The following PFKM variants were observed in gnomAD, a reference collection of about 807,000 sequenced individuals.
PFKM encodes ATP-dependent 6-phosphofructokinase, muscle type.
A neutral mutation model predicts 95.5 loss-of-function variants in PFKM; 58 were observed. The ratio of observed to expected loss-of-function variants is 0.61; its 90% CI spans 0.49 to 0.76. PFKM has a LOEUF of 0.76. PFKM is among the 30% of genes least tolerant of loss of function. PFKM has a pLI of 0.00. For synonymous variants in PFKM, 336 were observed against 357.2 expected (o/e 0.94, Z 0.67); for missense variants, 678 against 1,005.4 (o/e 0.67, Z 4.40).
At position 48,141,985 on chromosome 12, in the gene PFKM, C is replaced by T. The variant is rs1950614094; in HGVS notation, c.1572C>T (p.Val524=). The T allele has an allele frequency of 6.2e-7, 1 of 1,614,066 alleles. No individual in the cohort carries two copies. The highest frequency in any genetic ancestry group is 1.3e-5 in the African/African-American group (1 of 75,024). The change falls in exon 17 of 23, where the codon GTC becomes GTT. Residue 524 remains valine, a synonymous_variant. Transcript: ENST00000359794. ...ATGAGCTCTGCATCCCATTTGTGGT[C>T]ATTCCTGCTACAGTCTCCAACAATG... is the stretch of plus-strand genomic sequence containing the variant. ...QFDELCIPFV[V]IPATVSNNVP...
chr12:48,141,022 A>G, intron 14 of PFKM, 151 bp downstream of exon 14: 2 of 755,674 alleles, frequency 2.6e-6, no homozygotes, highest in African/African-American at 4.8e-5. Flanking sequence ...ATACTAGGGC[A>G]GTAGGAACAG....
chr12:48,122,587 A>C (rs1948398030), intron 1 of PFKM, 180 bp from the exon 2 acceptor site: 1 of 1,436,572 alleles, frequency 7.0e-7, no homozygotes, highest in African/African-American at 1.4e-5. Flanking sequence ...TCAGCTTGTC[A>C]GTCTACAAGG....
chr12:48,133,166 AC>A, intron 5 of PFKM, 109 bp downstream of exon 5: 2 of 1,311,300 alleles, frequency 1.5e-6, no homozygotes, highest in Non-Finnish European at 2.2e-6. Context: ...GAAAAATGTT[AC>A]CCAGACACAA....
rs139151556 is a variant in PFKM, at chr12:48,119,381, C to T, written c.-34C>T. The stretch of plus-strand genomic sequence containing the variant: ...CCAAGGACAATCTGCAAGAAAGCAG[C>T]GGCGGAGGAGAGCTAAGACTAAAAG... On this transcript the variant is annotated 5_prime_UTR_variant, in exon 1 of 23. Coordinates refer to ENST00000359794, the MANE Select transcript of PFKM (RefSeq NM_000289.6). 7.1e-6 allele frequency: 7 copies of T among 985,626 alleles called. No individual in the cohort carries two copies. Among genetic ancestry groups the T allele is most frequent in the Middle Eastern group, 5.2e-4 (1 of 1,920 alleles). 61.1% of individuals were successfully genotyped at this position (985,626 alleles called of 1,614,324 possible). A position where few individuals can be genotyped will look rare whatever the true frequency, so the allele number is the denominator to read the frequency against.
chr12:48,120,735 A>C (rs1028380780), intron 1 of PFKM, among the ~76,000 whole-genome samples: 1 of 152,124 alleles, frequency 6.6e-6, no homozygotes, highest in Non-Finnish European at 1.5e-5. Flanking sequence ...AAATATAAAA[A>C]CCTTTCACAG....
intron 3 of PFKM, among the ~76,000 whole-genome samples, chr12:48,110,344 T>C (rs1947072721): frequency 6.6e-6 from 1 of 152,114 alleles, no homozygotes; most frequent in South Asian, 2.1e-4. Context: ...ACTTTTGAGC[T>C]CTGGGAAATC....
Position 48,122,782 on chromosome 12 carries a change from A to G in PFKM, c.8A>G (p.His3Arg). The change falls in exon 2 of 23, where the codon CAT becomes CGT. Residue 3 changes from histidine to arginine, a missense_variant. His to Arg is a conservative substitution (Grantham distance 29, BLOSUM62 0). Coordinates refer to ENST00000359794, the MANE Select transcript of PFKM (RefSeq NM_000289.6). ...TAAATTCTAGAGTGGATCATGACCCATGAAGAGCACCATGCAGCCAAAACC... is the reference window on the plus strand; with the variant it reads ...TAAATTCTAGAGTGGATCATGACCCGTGAAGAGCACCATGCAGCCAAAACC... MT[H>R]EEHHAAKTLG... 2 of 1,614,114 alleles carry G rather than the reference A, an allele frequency of 1.2e-6. No individual in the cohort carries two copies. The highest frequency in any genetic ancestry group is 1.7e-6 in the Non-Finnish European group (2 of 1,179,952).
At chr12:48,122,100 G>A (rs565794903) in intron 1 of PFKM, among the ~76,000 whole-genome samples, 1 of 152,226 alleles carries the variant, frequency 6.6e-6, no homozygotes, top group East Asian at 1.9e-4. Flanking sequence ...CAAAGACCAA[G>A]GATCAAGAGA....
In PFKM at chr12:48,108,238, G is replaced by A. The variant is rs1028534076; in HGVS notation, c.205+44G>A. ...CAGTGAGAAATGTTCAAAGGAATAT[G>A]GGAAAGTGAAAGTTGTATGCATAGT... On this transcript the variant is annotated intron_variant, in intron 3 of 24. Transcript: ENST00000340802. The A allele has an allele frequency of 6.3e-6, 10 of 1,576,018 alleles. No homozygotes were observed. In the African/African-American group the frequency reaches 1.2e-4, roughly 19 times the overall value.
chr12:48,107,975 T>G, intron 2 of PFKM: 1 of 1,274,436 alleles, frequency 7.8e-7, no homozygotes, highest in Non-Finnish European at 1.1e-6. Context: ...AAGAAAGCCC[T>G]GGACAGCTCA....
intron 3 of PFKM, among the ~76,000 whole-genome samples, chr12:48,111,147 C>T (rs1947149442): frequency 6.6e-6 from 1 of 152,202 alleles, no homozygotes. Context: ...GCCTAGGTAA[C>T]TAGTGACTCT....
chr12:48,117,013 A>G (rs1947736522), upstream of PFKM, among the ~76,000 whole-genome samples: 2 of 152,112 alleles, frequency 1.3e-5, no homozygotes, highest in Admixed American at 1.3e-4. Context: ...CCTGTGCTCC[A>G]CCTATTAATC....
chr12:48,118,543 A>G (rs1400293959), upstream of PFKM: 1 of 1,524,950 alleles, frequency 6.6e-7, no homozygotes, highest in Admixed American at 2.0e-5. Context: ...AAGCAAGAGG[A>G]GACCCGACTG....
chr12:48,142,779 C>T lies in PFKM; in HGVS notation c.1654-3C>T. On this transcript the variant is annotated splice_region_variant and splice_polypyrimidine_tract_variant and intron_variant, in intron 17 of 22. Coordinates refer to ENST00000359794, the MANE Select transcript of PFKM (RefSeq NM_000289.6). ...TTCTAACTATAACCCATTGTCCTTG[C>T]AGACCTGTGACCGCATCAAGCAGTC... is the stretch of plus-strand genomic sequence containing the variant. 1 of 1,613,658 alleles carries T rather than the reference C, an allele frequency of 6.2e-7. No individual in the cohort carries two copies. Among genetic ancestry groups the T allele is most frequent in the South Asian group, 1.1e-5 (1 of 91,066 alleles).
upstream of PFKM, among the ~76,000 whole-genome samples, chr12:48,118,108 C>G (rs111889755): frequency 0.02 from 2,997 of 152,260 alleles, 79 homozygotes; most frequent in African/African-American, 0.049. Context: ...CTTAAAGAGT[C>G]TGTTCTATCA....
intron 1 of PFKM, among the ~76,000 whole-genome samples, chr12:48,122,219 G>A (rs911390427): frequency 3.3e-5 from 5 of 152,120 alleles, no homozygotes; most frequent in African/African-American, 1.2e-4. Flanking sequence ...TATAGCCTCA[G>A]ACTCCAGTTT....
intron 4 of PFKM, 89 bp downstream of exon 4, chr12:48,131,482 G>A: frequency 4.3e-6 from 4 of 936,060 alleles, no homozygotes; most frequent in Non-Finnish European, 7.0e-6. Flanking sequence ...TAAATTCCCT[G>A]TCATGTGGTT....
intron 1 of PFKM, 27 bp downstream of exon 1, chr12:48,119,433 A>G (rs1281410681): frequency 2.0e-6 from 2 of 985,378 alleles, no homozygotes; most frequent in Non-Finnish European, 2.4e-6. Context: ...AGTGAAGAGC[A>G]AGGGGGAGAG....
intron 15 of PFKM, 77 bp downstream of exon 15, chr12:48,141,458 G>T (rs939498665): frequency 1.0e-5 from 13 of 1,294,352 alleles, no homozygotes; most frequent in Non-Finnish European, 1.5e-5. Context: ...TTATGCCATG[G>T]TCTGCTTCAA....
Sources: allele counts gnomAD v4.1 joint callset (sites outside exome capture counted in the v4.1 genomes callset), GRCh38; gene constraint gnomAD v4.1.1; transcripts MANE v1.5; gene names NCBI Gene and HGNC (gene_info 2026-07-23, HGNC 2026-07-21).